Variants in DENND1A observed in about 807,000 individuals in gnomAD.
DENND1A encodes DENN domain containing 1A, also known as DENN domain-containing protein 1A.
Under a neutral mutation model 113.7 loss-of-function variants are expected in DENND1A, and 51 were observed. The observed-to-expected ratio is 0.45, with a 90% confidence interval of 0.36 to 0.57. The LOEUF (loss-of-function observed/expected upper bound fraction) is 0.57. Among genes scored for constraint, DENND1A ranks in the 20% least tolerant of loss-of-function variants. DENND1A has a pLI of 0.00. For synonymous variants in DENND1A, 565 were observed against 570.8 expected, an observed-to-expected ratio of 0.99 and a Z score of 0.14; for missense variants, 1,258 against 1,395.9, an observed-to-expected ratio of 0.90 and a Z score of 1.57.
Position 123,569,027 on chromosome 9 carries a change from C to T in DENND1A, c.868-11332G>A, listed in dbSNP as rs147405625. Among the ~76,000 whole-genome samples the T allele has an allele frequency of 7.2e-5, 11 of 152,330 alleles. No homozygotes were observed. The East Asian group carries it at 2.1e-3, about 29-fold the overall frequency. On this transcript the variant is annotated intron_variant, in intron 12 of 23. Coordinates refer to ENST00000394215, the MANE Select transcript of DENND1A (RefSeq NM_001352964.2). ...GGCAAAGACCTAGAGGAGCACACTT[C>T]ATTATCTAGATAGCTAGAGTAAAGA...
chr9:123,676,934 C>A, intron 5 of DENND1A, 145 bp from the exon 6 acceptor site: 1 of 751,842 alleles, frequency 1.3e-6, no homozygotes, highest in Non-Finnish European at 2.2e-6. Context: ...CACAAACTGG[C>A]GAAATGCTAA....
chr9:123,403,817 G>A (rs888582804), intron 20 of DENND1A, among the ~76,000 whole-genome samples: 14 of 152,302 alleles, frequency 9.2e-5, no homozygotes, highest in African/African-American at 3.4e-4. Context: ...CATAGGACCC[G>A]GAACAAAGAG....
At chr9:123,784,923 C>T (rs77272355) in intron 3 of DENND1A, among the ~76,000 whole-genome samples, 1,638 of 152,254 alleles carry the variant, frequency 0.011, 34 homozygotes, top group African/African-American at 0.036. Flanking sequence ...TTGAGTTTGG[C>T]TAAATGTTTA....
chr9:123,396,343 C>A (rs1281582638), intron 21 of DENND1A, among the ~76,000 whole-genome samples: 1 of 152,234 alleles, frequency 6.6e-6, no homozygotes, highest in Non-Finnish European at 1.5e-5. Context: ...GCCCATGCAC[C>A]AGGCCGCCAT....
intron 5 of DENND1A, among the ~76,000 whole-genome samples, chr9:123,683,246 C>T (rs73577291): frequency 0.058 from 8,778 of 152,174 alleles, 295 homozygotes; most frequent in South Asian, 0.088. Context: ...TGTATTAGAC[C>T]ACTTAACAAG....
Position 123,381,196 on chromosome 9 carries a change from C to G in DENND1A, c.*236G>C. 2 of 578,514 alleles carry G rather than the reference C, an allele frequency of 3.5e-6. No homozygotes were observed. The highest frequency in any genetic ancestry group is 4.1e-5 in the South Asian group (2 of 48,898). 35.8% of individuals were successfully genotyped at this position (578,514 alleles called of 1,614,324 possible). Reference sequence around the variant, plus strand: ...CAAGGGTGCCGAGGAGAGGCAACCGCGGGGTGGGATGGGCACTCAGGAACT... The same window carrying G: ...CAAGGGTGCCGAGGAGAGGCAACCGGGGGGTGGGATGGGCACTCAGGAACT... On this transcript the variant is annotated 3_prime_UTR_variant, in exon 24 of 24. Transcript: ENST00000394215. The surrounding 1 kb of genome is among the most constrained non-coding windows in gnomAD (Gnocchi z 4.7).
chr9:123,516,107 T>TACACACACACAC (rs199923277), intron 13 of DENND1A, among the ~76,000 whole-genome samples: 1 of 138,578 alleles, frequency 7.2e-6, no homozygotes, highest in African/African-American at 2.8e-5. Flanking sequence ...TACACACACA[T>TACACACACACAC]ACACACACAC....
At chr9:123,429,408 T>C (rs2045972168) in intron 19 of DENND1A, among the ~76,000 whole-genome samples, 1 of 152,000 alleles carries the variant, frequency 6.6e-6, no homozygotes, top group Non-Finnish European at 1.5e-5. Context: ...AATACAAAAA[T>C]TAGCTGAGTA....
At chr9:123,413,954 C>T (rs944761438) in intron 19 of DENND1A, 6 of 988,206 alleles carry the variant, frequency 6.1e-6, no homozygotes, top group Non-Finnish European at 7.2e-6. Flanking sequence ...TACACCACTC[C>T]CCACAATACT....
intron 10 of DENND1A, among the ~76,000 whole-genome samples, chr9:123,620,174 A>G (rs1166473310): frequency 2.1e-5 from 3 of 140,896 alleles, no homozygotes; most frequent in Non-Finnish European, 4.5e-5. Context: ...AGATCGCACC[A>G]CTGCACTCCA....
intron 11 of DENND1A, among the ~76,000 whole-genome samples, chr9:123,605,300 T>A (rs1425352969): frequency 6.6e-6 from 1 of 152,036 alleles, no homozygotes; most frequent in African/African-American, 2.4e-5. Context: ...TTTGTGAGGC[T>A]TGAGGAGGAA....
chr9:123,559,844 TC>T (rs1231947468), intron 12 of DENND1A, among the ~76,000 whole-genome samples: 2 of 152,146 alleles, frequency 1.3e-5, no homozygotes, highest in African/African-American at 4.8e-5. Context: ...TATCAATTTT[TC>T]CCCCACACCA....
At chr9:123,835,955 G>A (rs1302600745) in intron 2 of DENND1A, among the ~76,000 whole-genome samples, 1 of 152,144 alleles carries the variant, frequency 6.6e-6, no homozygotes, top group Non-Finnish European at 1.5e-5. Flanking sequence ...TCAATAAAAT[G>A]AGGAAGAAGG....
At chr9:123,804,620 C>G (rs1835233292) in intron 2 of DENND1A, among the ~76,000 whole-genome samples, 1 of 152,240 alleles carries the variant, frequency 6.6e-6, no homozygotes, top group Non-Finnish European at 1.5e-5. Flanking sequence ...ATTTATCTAA[C>G]TGTCTACTCA....
intron 1 of DENND1A, among the ~76,000 whole-genome samples, chr9:123,882,616 T>C (rs1848482173): frequency 6.6e-6 from 1 of 152,210 alleles, no homozygotes; most frequent in Admixed American, 6.5e-5. Context: ...ACCCTCCTGA[T>C]GGGTCTCCCT....
intron 13 of DENND1A, among the ~76,000 whole-genome samples, chr9:123,534,121 T>G (rs924910153): frequency 6.6e-6 from 1 of 152,230 alleles, no homozygotes; most frequent in Admixed American, 6.5e-5. Context: ...CATAACACAA[T>G]GAGCATCTGC....
At chr9:123,672,452 C>T (rs890704686) in intron 6 of DENND1A, among the ~76,000 whole-genome samples, 7 of 152,130 alleles carry the variant, frequency 4.6e-5, no homozygotes, top group African/African-American at 1.7e-4. Flanking sequence ...TGAGAATGAG[C>T]TGCCAAGATT....
intron 1 of DENND1A, among the ~76,000 whole-genome samples, chr9:123,905,853 A>G (rs1852711175): frequency 6.6e-6 from 1 of 151,114 alleles, no homozygotes; most frequent in African/African-American, 2.5e-5. Flanking sequence ...TGCACCAAGC[A>G]AACCTAATAG....
chr9:123,529,871 C>G (rs929230070), intron 13 of DENND1A, among the ~76,000 whole-genome samples: 1 of 152,210 alleles, frequency 6.6e-6, no homozygotes, highest in Non-Finnish European at 1.5e-5. Flanking sequence ...AGGTGTTAGG[C>G]AGACATGGAT....
Sources: gnomAD v4.1 joint callset for allele counts (sites outside exome capture counted in the v4.1 genomes callset) on GRCh38, gnomAD v4.1.1 for gene constraint, Gnocchi (gnomAD v3.1) non-coding constraint, MANE v1.5 for transcripts, NCBI Gene and HGNC (gene_info 2026-07-23, HGNC 2026-07-21) for gene names.